The following AFG2A variants were observed in gnomAD, a reference collection of about 807,000 sequenced individuals.
The protein encoded by AFG2A is AAA ATPase AFG2A.
chr4:122,957,144 A>T, the AFG2A span, among the ~76,000 whole-genome samples: 2 of 152,216 alleles, frequency 1.3e-5, no homozygotes, highest in African/African-American at 2.4e-5. Context: ...AGGAAGAATT[A>T]GAAAAAGGAA....
the AFG2A span, among the ~76,000 whole-genome samples, chr4:123,086,190 G>A: frequency 2.1e-4 from 32 of 151,930 alleles, no homozygotes; most frequent in Non-Finnish European, 3.5e-4. Context: ...TCTTTCTGAA[G>A]AACTTTAAAC....
chr4:123,274,544 C>T, the AFG2A span, among the ~76,000 whole-genome samples: 1 of 150,716 alleles, frequency 6.6e-6, no homozygotes, highest in African/African-American at 2.4e-5. Context: ...AGATTTGGAT[C>T]GTTGCTGGTT....
chr4:123,048,453 T>C, the AFG2A span, among the ~76,000 whole-genome samples: 1 of 152,306 alleles, frequency 6.6e-6, no homozygotes, highest in Admixed American at 6.5e-5. Flanking sequence ...CTTTGGGTAG[T>C]GTAGACATTT....
At chr4:123,205,322 A>G in the AFG2A span, among the ~76,000 whole-genome samples, 1 of 152,154 alleles carries the variant, frequency 6.6e-6, no homozygotes, top group South Asian at 2.1e-4. Context: ...TAGTAGCTGT[A>G]TGAACCTGGC....
At chr4:123,291,081 G>A in the AFG2A span, among the ~76,000 whole-genome samples, 12 of 152,002 alleles carry the variant, frequency 7.9e-5, no homozygotes, top group Middle Eastern at 3.4e-3. Flanking sequence ...TTTTTGTTTC[G>A]TTTGTACTAT....
At chr4:122,939,781 C>G in the AFG2A span, among the ~76,000 whole-genome samples, 16 of 152,134 alleles carry the variant, frequency 1.1e-4, no homozygotes, top group African/African-American at 3.9e-4. Context: ...TCCCTCGCCC[C>G]TCCCCCAACT....
chr4:123,259,516 C>G, the AFG2A span, among the ~76,000 whole-genome samples: 1 of 152,202 alleles, frequency 6.6e-6, no homozygotes, highest in East Asian at 1.9e-4. Context: ...CTATGGCCCT[C>G]ATTGTCCTGG....
chr4:123,174,766 T>G, the AFG2A span, among the ~76,000 whole-genome samples: 1 of 151,892 alleles, frequency 6.6e-6, no homozygotes, highest in Non-Finnish European at 1.5e-5. Context: ...GTGACAGGTA[T>G]AACCACAGAG....
the AFG2A span, among the ~76,000 whole-genome samples, chr4:123,086,839 A>G: frequency 1.3e-5 from 2 of 152,182 alleles, no homozygotes; most frequent in African/African-American, 2.4e-5. Flanking sequence ...TGAGCCCATC[A>G]GATGTAATCT....
At chr4:122,954,890 T>C in the AFG2A span, among the ~76,000 whole-genome samples, 2 of 152,214 alleles carry the variant, frequency 1.3e-5, no homozygotes, top group African/African-American at 2.4e-5. Context: ...TACTCATACA[T>C]TGGGTCCCAT....
chr4:123,118,833 C>A, the AFG2A span, among the ~76,000 whole-genome samples: 7 of 151,970 alleles, frequency 4.6e-5, no homozygotes, highest in Non-Finnish European at 5.9e-5. Context: ...AGTAAATAAT[C>A]ATTTAATGTT....
At chr4:122,988,298 T>C in the AFG2A span, among the ~76,000 whole-genome samples, 4 of 151,618 alleles carry the variant, frequency 2.6e-5, no homozygotes, top group African/African-American at 9.7e-5. Context: ...TTAGGCTTTA[T>C]GGATTTAGAT....
At chr4:122,947,531 T>C in the AFG2A span, 18 of 1,433,362 alleles carry the variant, frequency 1.3e-5, no homozygotes, top group Non-Finnish European at 1.7e-5. Flanking sequence ...GATGCACTTA[T>C]CTCCAGTTTA....
the AFG2A span, among the ~76,000 whole-genome samples, chr4:123,166,348 T>G: frequency 2.5e-4 from 38 of 152,318 alleles, no homozygotes; most frequent in Non-Finnish European, 5.1e-4. Flanking sequence ...TTATGCTTCC[T>G]GCCCTCAAAC....
the AFG2A span, among the ~76,000 whole-genome samples, chr4:123,071,468 G>A: frequency 3.8e-4 from 52 of 135,376 alleles, no homozygotes; most frequent in East Asian, 3.8e-3. Flanking sequence ...CAACAAGAGC[G>A]AAACTCCGTC....
At chr4:122,942,004 G>A in the AFG2A span, among the ~76,000 whole-genome samples, 7,994 of 151,822 alleles carry the variant, frequency 0.053, 472 homozygotes, top group African/African-American at 0.15. Flanking sequence ...TGGTGGATAA[G>A]CTTTTTGATG....
chr4:123,091,140 G>A, the AFG2A span, among the ~76,000 whole-genome samples: 1 of 152,184 alleles, frequency 6.6e-6, no homozygotes, highest in African/African-American at 2.4e-5. Flanking sequence ...TGTTTTTAGG[G>A]GAGGACTGGA....
At chr4:122,958,757 C>T in the AFG2A span, among the ~76,000 whole-genome samples, 153 of 152,236 alleles carry the variant, frequency 1.0e-3, 1 homozygote, top group Non-Finnish European at 1.4e-3. Context: ...ACCTATAGGG[C>T]ATTAGTTCCT....
chr4:123,172,548 G>C, the AFG2A span, among the ~76,000 whole-genome samples: 1 of 152,052 alleles, frequency 6.6e-6, no homozygotes, highest in Non-Finnish European at 1.5e-5. Context: ...AGGCGAAAAA[G>C]AGCATTAGCT....
Sources: gnomAD v4.1 joint callset for allele counts (sites outside exome capture counted in the v4.1 genomes callset) on GRCh38, gnomAD v4.1.1 for gene constraint, MANE v1.5 for transcripts, NCBI Gene and HGNC (gene_info 2026-07-23, HGNC 2026-07-21) for gene names.